The following EGFLAM variants were observed in gnomAD, a reference collection of about 807,000 sequenced individuals.
EGFLAM encodes EGF like, fibronectin type III and laminin G domains.
In EGFLAM, 79 loss-of-function variants were observed where a neutral mutation model predicts 113.1. That is an observed-to-expected ratio of 0.70 (90% CI 0.58 to 0.84). The LOEUF is 0.84. Among genes scored for constraint, EGFLAM ranks in the 40% least tolerant of loss-of-function variants. The pLI, the probability that EGFLAM is intolerant of heterozygous loss-of-function variation, is 0.00. For synonymous variants in EGFLAM, 504 were observed against 487.6 expected, an observed-to-expected ratio of 1.03 and a Z score of -0.44; for missense variants, 1,265 against 1,291.6, an observed-to-expected ratio of 0.98 and a Z score of 0.32.
In EGFLAM at chr5:38,323,992, A is replaced by C. The variant is rs143648026; in HGVS notation, c.98-13528A>C. Among the ~76,000 whole-genome samples the C allele has an allele frequency of 1.2e-3, 169 of 145,832 alleles. 2 individuals carry two copies. The highest frequency in any genetic ancestry group is 4.1e-3 in the African/African-American group (158 of 38,832). On this transcript the variant is annotated intron_variant, in intron 1 of 21. Transcript: ENST00000322350. ...AGGAGGCGGAGGTTGCAGTGAACTG[A>C]GATCGTGCCACTACTCTAGCGTGCA...
Position 38,412,545 on chromosome 5 carries a change from C to T in EGFLAM, c.1391C>T (p.Thr464Ile). 1 of 1,614,118 alleles carries T rather than the reference C, an allele frequency of 6.2e-7. No individual in the cohort carries two copies. ...GTGVAIIVSE[T>I]KIKLGGWHTV... ...GGGGTTGCCATCATCGTAAGTGAGA[C>T]CAAAATCAAACTAGGGGGTTGGCAC... Residue 464 changes from threonine (T) to isoleucine (I), a missense_variant, in exon 11 of 22, where the codon ACC (threonine) becomes ATC (isoleucine). By Grantham distance (89) the Thr-to-Ile change is moderately conservative. Coordinates refer to ENST00000322350, the MANE Select transcript of EGFLAM (RefSeq NM_152403.4).
intron 6 of EGFLAM, among the ~76,000 whole-genome samples, chr5:38,384,599 G>A (rs1276192695): frequency 6.6e-6 from 1 of 152,188 alleles, no homozygotes; most frequent in African/African-American, 2.4e-5. Flanking sequence ...GTGTCCTGCT[G>A]CATGTCCCAG....
chr5:38,449,340 C>T (rs1380719779), intron 18 of EGFLAM, among the ~76,000 whole-genome samples: 5 of 152,112 alleles, frequency 3.3e-5, no homozygotes, highest in African/African-American at 1.2e-4. Flanking sequence ...TGGTAACGCC[C>T]AACACACACC....
intron 15 of EGFLAM, among the ~76,000 whole-genome samples, chr5:38,433,035 A>G (rs1742235384): frequency 6.6e-6 from 1 of 152,186 alleles, no homozygotes; most frequent in African/African-American, 2.4e-5. Flanking sequence ...TGCTGAGTCC[A>G]CTGTGAACCA....
At chr5:38,258,991 T>C in intron 1 of EGFLAM, 140 bp downstream of exon 1, 1 of 959,406 alleles carries the variant, frequency 1.0e-6, no homozygotes, top group Non-Finnish European at 1.5e-6. Flanking sequence ...TGCCAGGAGC[T>C]GAGAAAAGAC....
Position 38,302,755 on chromosome 5 carries a change from T to G in EGFLAM, c.98-34765T>G, listed in dbSNP as rs186445883. Among the ~76,000 whole-genome samples the G allele has an allele frequency of 2.4e-4, 37 of 151,682 alleles. 1 individual carries two copies. The highest frequency in any genetic ancestry group is 1.3e-3 in the Admixed American group (20 of 15,264). On this transcript the variant is annotated intron_variant, in intron 1 of 21. Transcript: ENST00000322350. ...ACATGGAAAACAAGCCTTTTCTCCC[T>G]TGTTTAAGTAGCTGTAAAGTAGACC... is the stretch of plus-strand genomic sequence containing the variant.
At chr5:38,258,926 G>A in intron 1 of EGFLAM, 75 bp downstream of exon 1, 1 of 1,464,598 alleles carries the variant, frequency 6.8e-7, no homozygotes, top group South Asian at 1.3e-5. Context: ...ACACAGAGCG[G>A]GCAGCGCACC....
intron 1 of EGFLAM, 63 bp from the exon 2 acceptor site, chr5:38,337,457 T>C: frequency 5.7e-6 from 8 of 1,398,034 alleles, no homozygotes; most frequent in Non-Finnish European, 7.8e-6. Context: ...TTAAATCTTG[T>C]GTAAGTATAC....
At chr5:38,407,975 G>C in intron 9 of EGFLAM, 70 bp downstream of exon 9, 1 of 1,280,778 alleles carries the variant, frequency 7.8e-7, no homozygotes, top group Non-Finnish European at 1.1e-6. Flanking sequence ...ACATTCAAAG[G>C]CTGGGGGAGA....
intron 1 of EGFLAM, among the ~76,000 whole-genome samples, chr5:38,305,266 G>T (rs1758693924): frequency 6.6e-6 from 1 of 152,144 alleles, no homozygotes; most frequent in Non-Finnish European, 1.5e-5. Flanking sequence ...AATCAAAATG[G>T]CTTTGGACTT....
At chr5:38,372,236 A>G (rs1561053490) in intron 6 of EGFLAM, among the ~76,000 whole-genome samples, 2 of 151,350 alleles carry the variant, frequency 1.3e-5, no homozygotes, top group Admixed American at 6.6e-5. Flanking sequence ...TCCGCCTCCC[A>G]GGTTCAAGCA....
At chr5:38,327,803 C>T (rs1561279754) in intron 1 of EGFLAM, among the ~76,000 whole-genome samples, 1 of 151,988 alleles carries the variant, frequency 6.6e-6, no homozygotes, top group Non-Finnish European at 1.5e-5. Context: ...TCAACTGAAC[C>T]ACAGACTTTA....
At chr5:38,267,200 A>G (rs1757654555) in intron 1 of EGFLAM, among the ~76,000 whole-genome samples, 1 of 152,232 alleles carries the variant, frequency 6.6e-6, no homozygotes, top group African/African-American at 2.4e-5. Context: ...TGAGCAATTT[A>G]AATTTTAACA....
intron 5 of EGFLAM, among the ~76,000 whole-genome samples, chr5:38,354,182 A>G (rs886533299): frequency 5.3e-5 from 8 of 152,076 alleles, no homozygotes; most frequent in African/African-American, 1.9e-4. Flanking sequence ...GCCCCAGAAC[A>G]ATGCTTTGCA....
At chr5:38,378,703 T>C (rs1740429993) in intron 6 of EGFLAM, among the ~76,000 whole-genome samples, 1 of 152,204 alleles carries the variant, frequency 6.6e-6, no homozygotes, top group South Asian at 2.1e-4. Flanking sequence ...GAGCAGAATC[T>C]GGCCGGCAAG....
At position 38,289,269 on chromosome 5, in the gene EGFLAM, T is replaced by TC. The variant is rs1247417573; in HGVS notation, c.97+30418_97+30419insC. ...TTCTTCCTTGGCAATTACTCTTTCT[T>TC]TCCCCGCCCCCACATTTCAGTTTCC... On this transcript the variant is annotated intron_variant, in intron 1 of 21. Coordinates refer to ENST00000322350, the MANE Select transcript of EGFLAM (RefSeq NM_152403.4). Among the ~76,000 whole-genome samples, 53 of 142,434 alleles carry TC rather than the reference T, an allele frequency of 3.7e-4. 1 individual carries two copies. Among genetic ancestry groups the TC allele is most frequent in the African/African-American group, 1.3e-3 (46 of 36,016 alleles). 93.4% of individuals were successfully genotyped at this position (142,434 alleles called of 152,430 possible).
chr5:38,283,499 A>G (rs554457115), intron 1 of EGFLAM, among the ~76,000 whole-genome samples: 1 of 152,312 alleles, frequency 6.6e-6, no homozygotes, highest in South Asian at 2.1e-4. Context: ...TGTGCCAGGC[A>G]CTGGTAGTAA....
chr5:38,320,236 C>A (rs553244375), intron 1 of EGFLAM, among the ~76,000 whole-genome samples: 1 of 152,324 alleles, frequency 6.6e-6, no homozygotes, highest in Non-Finnish European at 1.5e-5. Flanking sequence ...TGATATTAGA[C>A]TACACCACTG....
chr5:38,314,065 T>C (rs1175154595), intron 1 of EGFLAM, among the ~76,000 whole-genome samples: 1 of 152,196 alleles, frequency 6.6e-6, no homozygotes, highest in African/African-American at 2.4e-5. Flanking sequence ...TATGCTGGGG[T>C]GAATGGGTGT....
Sources: allele counts gnomAD v4.1 joint callset (sites outside exome capture counted in the v4.1 genomes callset), GRCh38; gene constraint gnomAD v4.1.1; transcripts MANE v1.5; gene names NCBI Gene and HGNC (gene_info 2026-07-23, HGNC 2026-07-21).